The following JAK2 variants were observed in gnomAD, a reference collection of about 807,000 sequenced individuals.
JAK2 encodes the protein tyrosine-protein kinase JAK2.
In JAK2, 86 loss-of-function variants were observed where a neutral mutation model predicts 139.3. That is an observed-to-expected ratio of 0.62 (90% CI 0.52 to 0.74). JAK2 has a LOEUF of 0.74. Among genes scored for constraint, JAK2 ranks in the 30% least tolerant of loss-of-function variants. The pLI is 0.00. For synonymous variants in JAK2, 490 were observed against 437.7 expected (o/e 1.12, Z -1.49); for missense variants, 1,421 against 1,360.3 (o/e 1.04, Z -0.70).
chr9:5,030,019 A>G (rs975475520), intron 4 of JAK2, 113 bp downstream of exon 4: 1 of 805,360 alleles, frequency 1.2e-6, no homozygotes, highest in African/African-American at 1.8e-5. Flanking sequence ...CCAATTAGTT[A>G]GCACTCATTT....
intron 3 of JAK2, 116 bp from the exon 4 acceptor site, chr9:5,029,667 T>C: frequency 1.1e-6 from 1 of 882,476 alleles, no homozygotes; most frequent in Non-Finnish European, 1.7e-6. Flanking sequence ...CGACTGCTAT[T>C]ACATTTTGTT....
At chr9:5,121,483 A>G (rs1400451419) in intron 22 of JAK2, among the ~76,000 whole-genome samples, 1 of 152,150 alleles carries the variant, frequency 6.6e-6, no homozygotes, top group Non-Finnish European at 1.5e-5. Flanking sequence ...GACAGGAGGT[A>G]GTTTTGCAGC....
chr9:5,112,509 T>A, intron 22 of JAK2: 1 of 560,588 alleles, frequency 1.8e-6, no homozygotes, highest in Admixed American at 2.8e-5. Context: ...AAGATGACCT[T>A]TTCCCCCCAG....
At chr9:5,019,295 A>C (rs1822264295) in intron 2 of JAK2, among the ~76,000 whole-genome samples, 1 of 152,130 alleles carries the variant, frequency 6.6e-6, no homozygotes, top group Non-Finnish European at 1.5e-5. Context: ...CCTGTCTTCA[A>C]GTTCAGAAAT....
At chr9:5,090,988 C>A in intron 22 of JAK2, 77 bp downstream of exon 22, 1 of 1,083,888 alleles carries the variant, frequency 9.2e-7, no homozygotes, top group Non-Finnish European at 1.3e-6. Context: ...TAATAGTTTG[C>A]CATTTCTATA....
chr9:5,005,176 C>T lies in JAK2; in HGVS notation c.-25-16787C>T, dbSNP rs1587814471. Among the ~76,000 whole-genome samples the T allele has an allele frequency of 5.1e-5, 7 of 137,724 alleles. No homozygotes were observed. In the South Asian group the frequency reaches 1.7e-3, roughly 33 times the overall value. 90.4% of individuals were successfully genotyped at this position (137,724 alleles called of 152,430 possible). ...TGTTGCCCAGGCTGGTCTTGAACTC[C>T]TGGTCTCAAGTAATCCTCCCACCTT... On this transcript the variant is annotated intron_variant, in intron 2 of 24. Transcript: ENST00000381652.
chr9:5,054,951 T>C lies in JAK2; in HGVS notation c.936+67T>C. 8.3e-7 allele frequency: 1 copy of C among 1,207,504 alleles called. No individual in the cohort carries two copies. The highest frequency in any genetic ancestry group is 1.2e-6 in the Non-Finnish European group (1 of 868,696). 74.8% of individuals were successfully genotyped at this position (1,207,504 alleles called of 1,614,324 possible). On this transcript the variant is annotated intron_variant, in intron 7 of 24. Transcript: ENST00000381652. The surrounding 1 kb of genome is among the most constrained non-coding windows in gnomAD (Gnocchi z 4.9). ...TACAATGGAAATAAAAACAAAGTAA[T>C]TTTAATCATTTGCAACATGGTATTG...
intron 22 of JAK2, chr9:5,110,609 G>A (rs933895774): frequency 5.3e-6 from 1 of 188,142 alleles, no homozygotes; most frequent in Non-Finnish European, 1.1e-5. Flanking sequence ...TTACAGATAT[G>A]CCTTTCTTCA....
At chr9:5,000,844 G>C (rs1820885664) in intron 2 of JAK2, among the ~76,000 whole-genome samples, 2 of 152,284 alleles carry the variant, frequency 1.3e-5, no homozygotes, top group South Asian at 4.1e-4. Flanking sequence ...TATCAGGTAA[G>C]AACTTGATAA....
At chr9:5,113,644 A>G in intron 22 of JAK2, 1 of 162,122 alleles carries the variant, frequency 6.2e-6, no homozygotes, top group Non-Finnish European at 1.4e-5. Context: ...GCCTGGCCAC[A>G]GGCTACTTCC....
chr9:5,092,192 G>T (rs535028463), intron 22 of JAK2, among the ~76,000 whole-genome samples: 1 of 152,056 alleles, frequency 6.6e-6, no homozygotes, highest in East Asian at 1.9e-4. Flanking sequence ...AAAATCTCAC[G>T]ACAACCTTTA....
intron 19 of JAK2, among the ~76,000 whole-genome samples, chr9:5,087,245 C>A (rs1249575716): frequency 1.3e-5 from 2 of 152,292 alleles, no homozygotes; most frequent in East Asian, 3.9e-4. Context: ...ACAGTCATGG[C>A]AGAAGGCACC....
At chr9:5,117,268 G>A (rs1056427443) in intron 22 of JAK2, among the ~76,000 whole-genome samples, 11 of 152,124 alleles carry the variant, frequency 7.2e-5, no homozygotes, top group African/African-American at 2.2e-4. Flanking sequence ...ATACATGGAC[G>A]CCCAGTACAT....
Position 5,109,369 on chromosome 9 carries a change from G to A in JAK2, c.3060-13635G>A, listed in dbSNP as rs183324328. ...CTGCAACTTCTTATCTACCAAGAAA[G>A]TATGCAAGAACTGCTAACTCATGCC... On this transcript the variant is annotated intron_variant, in intron 22 of 24. Transcript: ENST00000381652. 6 of 152,266 alleles carry A rather than the reference G, an allele frequency of 3.9e-5. No individual in the cohort carries two copies. In the East Asian group the frequency reaches 1.2e-3, roughly 29 times the overall value. The allele number at this position is 152,266 out of a possible 1,614,324, so 9.4% of individuals were successfully genotyped here. A position where few individuals can be genotyped will look rare whatever the true frequency, so the allele number is the denominator to read the frequency against.
At chr9:5,101,569 T>C (rs1821490745) in intron 22 of JAK2, among the ~76,000 whole-genome samples, 1 of 152,256 alleles carries the variant, frequency 6.6e-6, no homozygotes, top group African/African-American at 2.4e-5. Context: ...ATGGACAGAC[T>C]GCCTCAGGTG....
In JAK2 at chr9:5,081,959, G is replaced by C. The variant is rs1293297141; in HGVS notation, c.2571+98G>C. 4 of 991,338 alleles carry C rather than the reference G, an allele frequency of 4.0e-6. No individual in the cohort carries two copies. In the African/African-American group the frequency reaches 5.2e-5, roughly 13 times the overall value. The allele number at this position is 991,338 out of a possible 1,614,324, so 61.4% of individuals were successfully genotyped here. A position where few individuals can be genotyped will look rare whatever the true frequency, so the allele number is the denominator to read the frequency against. On this transcript the variant is annotated intron_variant, in intron 19 of 24. Coordinates refer to ENST00000381652, the MANE Select transcript of JAK2 (RefSeq NM_004972.4). ...TTCACTTTCTACAACATTTTAAGGA[G>C]TGCTTGTAGAAAAAAAAGGTTTGGT...
At chr9:5,058,105 C>A (rs567591947) in intron 8 of JAK2, among the ~76,000 whole-genome samples, 1 of 152,118 alleles carries the variant, frequency 6.6e-6, no homozygotes, top group Non-Finnish European at 1.5e-5. Flanking sequence ...ATATTCAGGT[C>A]ACTTTTTTAC....
intron 22 of JAK2, among the ~76,000 whole-genome samples, chr9:5,102,182 A>G (rs1480177589): frequency 2.6e-5 from 4 of 152,228 alleles, no homozygotes. Context: ...TAAACAGTGT[A>G]GAGAAGACCT....
At chr9:5,070,697 A>C (rs1818900139) in intron 12 of JAK2, among the ~76,000 whole-genome samples, 1 of 152,114 alleles carries the variant, frequency 6.6e-6, no homozygotes, top group Non-Finnish European at 1.5e-5. Flanking sequence ...CTGCCAGTAC[A>C]GAGGGCCCAC....
Sources: allele counts gnomAD v4.1 joint callset (sites outside exome capture counted in the v4.1 genomes callset), GRCh38; gene constraint gnomAD v4.1.1; non-coding constraint Gnocchi (gnomAD v3.1); transcripts MANE v1.5; gene names NCBI Gene and HGNC (gene_info 2026-07-23, HGNC 2026-07-21).